Variants in OPN4 observed in about 807,000 individuals in gnomAD.
OPN4 encodes the protein melanopsin.
A neutral mutation model predicts 49.5 loss-of-function variants in OPN4; 43 were observed. The ratio of observed to expected loss-of-function variants is 0.87; its 90% CI spans 0.68 to 1.12. The LOEUF (loss-of-function observed/expected upper bound fraction) is 1.12, where lower values mean the gene tolerates loss of function less well. Ranked by LOEUF, OPN4 falls within the 50% of genes most tolerant of loss-of-function variation. The pLI is 0.00. For missense variants in OPN4, 657 were observed against 643.9 expected, an observed-to-expected ratio of 1.02 and a Z score of -0.22; for synonymous variants, 263 against 258.0, an observed-to-expected ratio of 1.02 and a Z score of -0.19.
In OPN4 at chr10:86,659,349, C is replaced by T. The variant is rs1843946923; in HGVS notation, c.681C>T (p.Ser227=). The T allele has an allele frequency of 1.9e-6, 3 of 1,613,814 alleles. No homozygotes were observed. Among genetic ancestry groups the T allele is most frequent in the Admixed American group, 3.3e-5 (2 of 60,010 alleles). ...CATCCTGCTCCTGGGACTACATGAG[C>T]TTCACGCCGGCCGTGCGTGCCTACA... ...LLTSCSWDYM[S]FTPAVRAYTM... Residue 227 remains serine, a synonymous_variant, in exon 5 of 10, where the codon AGC becomes AGT. Transcript: ENST00000241891.
chr10:86,663,138 C>T (rs770849728), intron 8 of OPN4, among the ~76,000 whole-genome samples: 1 of 152,124 alleles, frequency 6.6e-6, no homozygotes, highest in Admixed American at 6.5e-5. Context: ...AAGCTCCGTG[C>T]GCCACCGGCT....
intron 1 of OPN4, among the ~76,000 whole-genome samples, chr10:86,655,701 C>A (rs548677420): frequency 6.6e-6 from 1 of 152,140 alleles, no homozygotes; most frequent in African/African-American, 2.4e-5. Context: ...CAGTAGGGGA[C>A]GGGACTCTTG....
intron 5 of OPN4, 84 bp downstream of exon 5, chr10:86,659,552 A>C: frequency 6.6e-7 from 1 of 1,509,968 alleles, no homozygotes; most frequent in East Asian, 2.4e-5. Context: ...TCACACCTGC[A>C]CCAGCCTACC....
intron 4 of OPN4, 131 bp downstream of exon 4, chr10:86,658,818 G>A (rs1055911036): frequency 2.5e-5 from 21 of 849,058 alleles, no homozygotes; most frequent in Non-Finnish European, 3.7e-5. Flanking sequence ...CCTCAGGTGA[G>A]ATGGACATTC....
intron 6 of OPN4, 122 bp from the exon 7 acceptor site, chr10:86,661,159 G>T: frequency 1.3e-6 from 1 of 768,830 alleles, no homozygotes; most frequent in South Asian, 1.5e-5. Context: ...CTCCCTATGG[G>T]GCTGACTTAG....
At position 86,659,788 on chromosome 10, in the gene OPN4, C is replaced by T. The variant is rs948914057; in HGVS notation, c.801-107C>T. 66 of 1,195,740 alleles carry T rather than the reference C, an allele frequency of 5.5e-5. No individual in the cohort carries two copies. In the African/African-American group the frequency reaches 6.5e-4, roughly 12 times the overall value. The allele number at this position is 1,195,740 out of a possible 1,614,324, so 74.1% of individuals were successfully genotyped here. On this transcript the variant is annotated intron_variant, in intron 5 of 9. Transcript: ENST00000241891. The stretch of plus-strand genomic sequence containing the variant: ...TGCACTGGAAGGAATGACACTCTCA[C>T]GAGTGCCCTGCAAGGATAGTCCAGA...
At chr10:86,656,996 T>C (rs1309801883) in intron 2 of OPN4, among the ~76,000 whole-genome samples, 2 of 143,054 alleles carry the variant, frequency 1.4e-5, no homozygotes, top group African/African-American at 2.6e-5. Flanking sequence ...CATCCTCAAG[T>C]CCCTCAAACA....
Position 86,658,636 on chromosome 10 carries a change from G to T in OPN4, c.577G>T (p.Gly193Cys), listed in dbSNP as rs1031596848. 6.2e-7 allele frequency: 1 copy of T among 1,613,926 alleles called. No homozygotes were observed. The highest frequency in any genetic ancestry group is 1.3e-5 in the African/African-American group (1 of 74,942). ...GAGGCGTGCGGCATTTGTCCTGCTG[G>T]GCGTTTGGCTCTATGCCCTGGCCTG... ...SKRRAAFVLL[G>C]VWLYALAWSL... The change falls in exon 4 of 10, where the codon GGC (glycine) becomes TGC (cysteine). Residue 193 changes from glycine to cysteine, a missense_variant. Physicochemically the swap from Gly to Cys is radical, Grantham distance 159. Coordinates refer to ENST00000241891, the MANE Select transcript of OPN4 (RefSeq NM_033282.4).
intron 7 of OPN4, among the ~76,000 whole-genome samples, 167 bp downstream of exon 7, chr10:86,661,555 C>A (rs1438797898): frequency 6.6e-6 from 1 of 152,134 alleles, no homozygotes; most frequent in Non-Finnish European, 1.5e-5. Context: ...GTGTGCCTCC[C>A]TCCCCCGCCC....
chr10:86,657,564 A>G (rs1251339137), intron 2 of OPN4, among the ~76,000 whole-genome samples: 1 of 152,166 alleles, frequency 6.6e-6, no homozygotes, highest in Non-Finnish European at 1.5e-5. Flanking sequence ...AAGCCATGGG[A>G]AAGCACAGTC....
At chr10:86,658,357 G>A (rs1843918510) in intron 3 of OPN4, 127 bp from the exon 4 acceptor site, 2 of 1,263,168 alleles carry the variant, frequency 1.6e-6, no homozygotes, top group Non-Finnish European at 2.2e-6. Context: ...GCCTTGGCCA[G>A]ATGTGGCAGG....
In OPN4 at chr10:86,666,126, A is replaced by G. The variant is rs1844172451; in HGVS notation, c.*375A>G. On this transcript the variant is annotated 3_prime_UTR_variant, in exon 10 of 10. Transcript: ENST00000241891. The stretch of plus-strand genomic sequence containing the variant: ...CAGCTATTTATGAGCCTCTGCCCCC[A>G]GGCTGGGCCTGTCACTGGCATAGGA... 2 of 246,024 alleles carry G rather than the reference A, an allele frequency of 8.1e-6. No individual in the cohort carries two copies. The highest frequency in any genetic ancestry group is 2.1e-4 in the East Asian group (2 of 9,584). The allele number at this position is 246,024 out of a possible 1,614,324, so 15.2% of individuals were successfully genotyped here. A position where few individuals can be genotyped will look rare whatever the true frequency, so the allele number is the denominator to read the frequency against.
In OPN4 at chr10:86,666,425, G is replaced by C. The variant is rs1002190868; in HGVS notation, c.*674G>C. The C allele has an allele frequency of 3.0e-5, 7 of 230,308 alleles. No individual in the cohort carries two copies. The highest frequency in any genetic ancestry group is 5.0e-5 in the Admixed American group (1 of 20,090). 14.3% of individuals were successfully genotyped at this position (230,308 alleles called of 1,614,324 possible). On this transcript the variant is annotated 3_prime_UTR_variant, in exon 10 of 10. Coordinates refer to ENST00000241891, the MANE Select transcript of OPN4 (RefSeq NM_033282.4). ...GGCTGTGTGGATCTGACAGGGTATA[G>C]GAAAATAAAAAGCGGAGAAGGTGTC...
intron 5 of OPN4, 21 bp downstream of exon 5, chr10:86,659,489 G>C (rs766027641): frequency 6.2e-7 from 1 of 1,611,544 alleles, no homozygotes; most frequent in South Asian, 1.1e-5. Flanking sequence ...AGCATGGAGG[G>C]GGGCTACAGG....
intron 6 of OPN4, among the ~76,000 whole-genome samples, chr10:86,660,509 A>C (rs1843977821): frequency 6.6e-6 from 1 of 152,128 alleles, no homozygotes; most frequent in South Asian, 2.1e-4. Flanking sequence ...AGTGTTTTTG[A>C]GAAGTGAGGG....
Position 86,665,971 on chromosome 10 carries a change from C to T in OPN4, c.*220C>T, listed in dbSNP as rs3740340. The T allele has an allele frequency of 1.5e-3, 876 of 567,626 alleles. 10 individuals carry two copies. The East Asian group carries it at 0.021, about 13-fold the overall frequency. The allele number at this position is 567,626 out of a possible 1,614,324, so 35.2% of individuals were successfully genotyped here. A position where few individuals can be genotyped will look rare whatever the true frequency, so the allele number is the denominator to read the frequency against. On this transcript the variant is annotated 3_prime_UTR_variant, in exon 10 of 10. Coordinates refer to ENST00000241891, the MANE Select transcript of OPN4 (RefSeq NM_033282.4). ...CGCATCCACTTTCCAGCTCAGCAGC[C>T]GCACCCGAGGCTCAGCCTGAGGGGT...
chr10:86,663,615 G>T, intron 8 of OPN4, 44 bp from the exon 9 acceptor site: 1 of 1,461,930 alleles, frequency 6.8e-7, no homozygotes, highest in East Asian at 2.5e-5. Flanking sequence ...GCAAAGCTAC[G>T]GACTGTCCCT....
At position 86,659,429 on chromosome 10, in the gene OPN4, G is replaced by A. The variant is rs1336673409; in HGVS notation, c.761G>A (p.Cys254Tyr). The change falls in exon 5 of 10, where the codon TGC becomes TAC. Residue 254 changes from cysteine (C) to tyrosine (Y), a missense_variant. Transcript: ENST00000241891. ...CTCCCTCTGCTTATCATCATCTACT[G>A]CTACATCTTCATCTTCAGGGCCATC... is the stretch of plus-strand genomic sequence containing the variant. ...FFLPLLIIIY[C>Y]YIFIFRAIRE... The A allele has an allele frequency of 6.2e-7, 1 of 1,614,080 alleles. No individual in the cohort carries two copies. Among genetic ancestry groups the A allele is most frequent in the African/African-American group, 1.3e-5 (1 of 75,050 alleles).
chr10:86,659,915 C>T lies in OPN4; in HGVS notation c.821C>T (p.Ala274Val). ...CCTAGGGCTCTCCAGACCTTCGGGG[C>T]CTGCAAGGGCAATGGCGAGTCCCTG... ...ETGRALQTFGACKGNGESLWQ... is the reference protein window; with the variant it reads ...ETGRALQTFGVCKGNGESLWQ... Residue 274 changes from alanine (A) to valine (V), a missense_variant, in exon 6 of 10, where the codon GCC becomes GTC. Ala to Val is a moderately conservative substitution (Grantham distance 64). Transcript: ENST00000241891. The T allele has an allele frequency of 6.2e-7, 1 of 1,614,196 alleles. No individual in the cohort carries two copies. Among genetic ancestry groups the T allele is most frequent in the Non-Finnish European group, 8.5e-7 (1 of 1,180,028 alleles).
Sources: allele counts gnomAD v4.1 joint callset (sites outside exome capture counted in the v4.1 genomes callset), GRCh38; gene constraint gnomAD v4.1.1; transcripts MANE v1.5; gene names NCBI Gene and HGNC (gene_info 2026-07-23, HGNC 2026-07-21).